The following UBAP2 variants were observed in gnomAD, a reference collection of about 807,000 sequenced individuals.
UBAP2 encodes ubiquitin associated protein 2, also known as ubiquitin-associated protein 2.
A neutral mutation model predicts 139.6 loss-of-function variants in UBAP2; 75 were observed. The observed-to-expected ratio is 0.54, with a 90% CI of 0.45 to 0.65. UBAP2 has a LOEUF of 0.65. Ranked by LOEUF, UBAP2 falls within the 30% of genes least tolerant of loss-of-function variation. The pLI is 0.00. For missense variants in UBAP2, 1,368 were observed against 1,369.6 expected (o/e 1.00, Z 0.02); for synonymous variants, 526 against 526.2 (o/e 1.00, Z 0.01).
At chr9:34,033,933 G>C (rs747641480) in intron 1 of UBAP2, among the ~76,000 whole-genome samples, 3 of 151,790 alleles carry the variant, frequency 2.0e-5, no homozygotes, top group Non-Finnish European at 4.4e-5. Context: ...ACGGGGTTTC[G>C]TCATGTTGGC....
At chr9:34,012,746 G>A (rs1823867378) in intron 2 of UBAP2, among the ~76,000 whole-genome samples, 1 of 151,930 alleles carries the variant, frequency 6.6e-6, no homozygotes, top group Non-Finnish European at 1.5e-5. Flanking sequence ...TAAAGTAGAT[G>A]TGACAGAAAT....
chr9:33,968,050 G>A, intron 8 of UBAP2: 1 of 431,182 alleles, frequency 2.3e-6, no homozygotes, highest in South Asian at 2.0e-5. Flanking sequence ...AGTATCCATT[G>A]ATTTCTTCTC....
intron 1 of UBAP2, among the ~76,000 whole-genome samples, chr9:34,034,992 T>C (rs146922457): frequency 1.7e-4 from 26 of 152,300 alleles, no homozygotes; most frequent in African/African-American, 6.3e-4. Flanking sequence ...TCATGTTCTA[T>C]CTTGTAAGCA....
At chr9:34,034,179 T>C (rs570674613) in intron 1 of UBAP2, among the ~76,000 whole-genome samples, 1 of 152,220 alleles carries the variant, frequency 6.6e-6, no homozygotes, top group Non-Finnish European at 1.5e-5. Context: ...AAGTTCAACA[T>C]ACCTATTAAG....
Position 33,925,371 on chromosome 9 carries a change from T to C in UBAP2, c.2512-1087A>G, listed in dbSNP as rs79969434. Among the ~76,000 whole-genome samples, 941 of 151,954 alleles carry C rather than the reference T, an allele frequency of 6.2e-3. 8 individuals carry two copies. Among genetic ancestry groups the C allele is most frequent in the African/African-American group, 0.021 (886 of 41,422 alleles). ...GAGCACTTTCACAGAACACGAGAAT[T>C]CTCCAGGCAGGAACTAGGCTCACAA... On this transcript the variant is annotated intron_variant, in intron 22 of 28. Coordinates refer to ENST00000379238, the MANE Select transcript of UBAP2 (RefSeq NM_001370062.2).
chr9:34,007,702 G>A (rs1823355034), intron 2 of UBAP2, among the ~76,000 whole-genome samples: 1 of 149,800 alleles, frequency 6.7e-6, no homozygotes, highest in African/African-American at 2.4e-5. Flanking sequence ...GCAGTGGAGT[G>A]ATCTCGGCTC....
At chr9:33,925,789 A>G (rs1307386317) in intron 22 of UBAP2, among the ~76,000 whole-genome samples, 2 of 152,208 alleles carry the variant, frequency 1.3e-5, no homozygotes, top group Non-Finnish European at 2.9e-5. Context: ...TCACTGCACA[A>G]GGGAGAAAGC....
At chr9:33,980,443 G>A (rs181592400) in intron 6 of UBAP2, among the ~76,000 whole-genome samples, 37 of 149,716 alleles carry the variant, frequency 2.5e-4, no homozygotes, top group Non-Finnish European at 3.7e-4. Flanking sequence ...GGGTTTCACC[G>A]TGTTAGCCAG....
At chr9:33,952,839 T>C (rs1338375315) in intron 12 of UBAP2, 1 of 154,748 alleles carries the variant, frequency 6.5e-6, no homozygotes, top group Non-Finnish European at 1.5e-5. Flanking sequence ...ACCACATCAT[T>C]GTTTTCTGGA....
intron 7 of UBAP2, 75 bp from the exon 8 acceptor site, chr9:33,971,829 C>A: frequency 1.2e-6 from 1 of 868,672 alleles, no homozygotes; most frequent in South Asian, 1.4e-5. Flanking sequence ...CATACATGAT[C>A]TTCCACCAAA....
chr9:33,943,695 A>G (rs770706963), intron 14 of UBAP2, 106 bp from the exon 15 acceptor site: 28 of 1,005,656 alleles, frequency 2.8e-5, no homozygotes, highest in Non-Finnish European at 3.6e-5. Flanking sequence ...CAATACTGGC[A>G]AGAAGAAGGA....
intron 17 of UBAP2, among the ~76,000 whole-genome samples, chr9:33,934,702 G>C (rs1824302956): frequency 6.6e-6 from 1 of 152,168 alleles, no homozygotes; most frequent in African/African-American, 2.4e-5. Context: ...AAGGGGAGGA[G>C]GAAGTGAGGG....
chr9:34,038,637 C>T (rs1418582028), intron 1 of UBAP2, among the ~76,000 whole-genome samples: 2 of 152,200 alleles, frequency 1.3e-5, no homozygotes, highest in Non-Finnish European at 2.9e-5. Flanking sequence ...TCACTACAAC[C>T]TCCACCTCCC....
intron 19 of UBAP2, among the ~76,000 whole-genome samples, chr9:33,930,647 C>G (rs1369655367): frequency 6.6e-6 from 1 of 152,056 alleles, no homozygotes; most frequent in Non-Finnish European, 1.5e-5. Flanking sequence ...CCTGTAATCC[C>G]ACCACTTTGG....
chr9:34,010,051 C>T (rs1823611835), intron 2 of UBAP2, among the ~76,000 whole-genome samples: 1 of 148,084 alleles, frequency 6.8e-6, no homozygotes, highest in Non-Finnish European at 1.5e-5. Context: ...AGGTGATCTA[C>T]CTGCCTTGGC....
rs375786634 is a variant in UBAP2, at chr9:33,927,013, G to A, written c.2439C>T (p.Pro813=). The A allele has an allele frequency of 5.1e-5, 83 of 1,614,116 alleles. No individual in the cohort carries two copies. The highest frequency in any genetic ancestry group is 4.7e-4 in the East Asian group (21 of 44,868). ...PLLHNQYLVG[P]GGLLPAYPIY... is the part of the protein sequence containing the mutation. ...CCGGGTAGGCAGGAAGCAGTCCTCC[G>A]GGACCTACGAGGTACTGGTTGTGCA... The change falls in exon 21 of 29, where the codon CCC becomes CCT. Residue 813 remains proline, a synonymous_variant. Transcript: ENST00000379238.
At chr9:33,962,673 TAAATAAA>T (rs1564032663) in intron 9 of UBAP2, among the ~76,000 whole-genome samples, 1 of 134,612 alleles carries the variant, frequency 7.4e-6, no homozygotes, top group Non-Finnish European at 1.6e-5. Context: ...AATAAATAAA[TAAATAAA>T]TAATTAAAAA....
At chr9:33,927,709 CCT>C (rs1823574233) in intron 20 of UBAP2, 86 bp downstream of exon 20, 1 of 1,427,698 alleles carries the variant, frequency 7.0e-7, no homozygotes, top group South Asian at 1.4e-5. Context: ...CTGAGACTCT[CCT>C]GACACCTGCA....
chr9:33,971,262 T>C (rs1827896491), intron 8 of UBAP2, among the ~76,000 whole-genome samples: 1 of 152,196 alleles, frequency 6.6e-6, no homozygotes. Context: ...CCATCTATCA[T>C]CTACCACATT....
Sources: allele counts gnomAD v4.1 joint callset (sites outside exome capture counted in the v4.1 genomes callset), GRCh38; gene constraint gnomAD v4.1.1; transcripts MANE v1.5; gene names NCBI Gene and HGNC (gene_info 2026-07-23, HGNC 2026-07-21).